RAP1GAP2: variants seen among roughly 807,000 people sequenced by gnomAD.
RAP1GAP2 encodes the protein RAP1 GTPase activating protein 2.
In RAP1GAP2, 27 loss-of-function variants were observed where a neutral mutation model predicts 95.0. That is an observed-to-expected ratio of 0.28 (90% CI 0.21 to 0.39). The LOEUF (loss-of-function observed/expected upper bound fraction) is 0.39, where lower values mean the gene tolerates loss of function less well. RAP1GAP2 is among the 10% of genes least tolerant of loss of function. The pLI is 1.00. For synonymous variants in RAP1GAP2, 373 were observed against 380.9 expected (o/e 0.98, Z 0.24); for missense variants, 771 against 970.0 (o/e 0.79, Z 2.72).
chr17:2,965,385 C>T lies in RAP1GAP2; in HGVS notation c.493-155C>T, dbSNP rs112767498. On this transcript the variant is annotated intron_variant, in intron 7 of 24. Transcript: ENST00000254695. This position sits in a 1 kb window ranked among gnomAD's most constrained non-coding sequence, Gnocchi z 4.7. ...GCCTGGCGCCTCCTGAGGATCCGGCCGTCGGTACCTGTTAATGTCGTTGTC... is the reference window on the plus strand; with the variant it reads ...GCCTGGCGCCTCCTGAGGATCCGGCTGTCGGTACCTGTTAATGTCGTTGTC... 2.8e-5 allele frequency: 18 copies of T among 638,432 alleles called. No individual in the cohort carries two copies. The highest frequency in any genetic ancestry group is 1.2e-4 in the South Asian group (6 of 51,776). The allele number at this position is 638,432 out of a possible 1,614,324, so 39.5% of individuals were successfully genotyped here. A position where few individuals can be genotyped will look rare whatever the true frequency, so the allele number is the denominator to read the frequency against.
Position 2,825,750 on chromosome 17 carries a change from G to T in RAP1GAP2, c.80+25200G>T, listed in dbSNP as rs908228537. Among the ~76,000 whole-genome samples the T allele has an allele frequency of 6.6e-6, 1 of 152,126 alleles. No individual in the cohort carries two copies. Among genetic ancestry groups the T allele is most frequent in the Non-Finnish European group, 1.5e-5 (1 of 68,036 alleles). ...GACTGCAGCTGTTACTGAAGACAGA[G>T]CGTTTAGGTGTGAAGAGGGTCTGGT... is the stretch of plus-strand genomic sequence containing the variant. On this transcript the variant is annotated intron_variant, in intron 2 of 24. Transcript: ENST00000254695. The surrounding 1 kb of genome is among the most constrained non-coding windows in gnomAD (Gnocchi z 4.1).
chr17:2,875,219 A>G (rs1156530246), intron 2 of RAP1GAP2, among the ~76,000 whole-genome samples: 1 of 152,028 alleles, frequency 6.6e-6, no homozygotes, highest in African/African-American at 2.4e-5. Context: ...GGCGTGCACC[A>G]CCACGCCTGG....
chr17:2,823,464 G>A (rs998193402), intron 2 of RAP1GAP2, among the ~76,000 whole-genome samples: 16 of 152,296 alleles, frequency 1.1e-4, no homozygotes, highest in African/African-American at 3.8e-4. Flanking sequence ...AAGCCATTTT[G>A]CCTTTGTCTT....
chr17:2,905,667 G>A (rs577229804), intron 3 of RAP1GAP2, among the ~76,000 whole-genome samples: 173 of 152,322 alleles, frequency 1.1e-3, no homozygotes, highest in African/African-American at 4.0e-3. Flanking sequence ...GAAGCCGGGG[G>A]ATAGAAGGCA....
At chr17:2,908,921 G>C (rs374285721) in intron 3 of RAP1GAP2, among the ~76,000 whole-genome samples, 1 of 152,020 alleles carries the variant, frequency 6.6e-6, no homozygotes, top group African/African-American at 2.4e-5. Context: ...GCCCAGGCTG[G>C]TCTGAGACTC....
Position 2,886,135 on chromosome 17 carries a change from A to ATGTG in RAP1GAP2, c.81-19125_81-19122dup, listed in dbSNP as rs140784056. On this transcript the variant is annotated intron_variant, in intron 2 of 24. Coordinates refer to ENST00000254695, the MANE Select transcript of RAP1GAP2 (RefSeq NM_015085.5). ...TTTTTTTCCCAATGAATATGTATTTATGTGTGTGTGTGTGTGTGTGTGTGT... is the reference window on the plus strand; with the variant it reads ...TTTTTTTCCCAATGAATATGTATTTATGTGTGTGTGTGTGTGTGTGTGTGTGTGT... Among the ~76,000 whole-genome samples the ATGTG allele has an allele frequency of 5.5e-3, 718 of 130,542 alleles. 11 individuals are homozygous for ATGTG. Among genetic ancestry groups the ATGTG allele is most frequent in the African/African-American group, 0.019 (649 of 34,240 alleles). 85.6% of individuals were successfully genotyped at this position (130,542 alleles called of 152,430 possible).
In RAP1GAP2 at chr17:3,035,197, A is replaced by G. The variant is rs2047437883; in HGVS notation, c.*1836A>G. ...TCAACAAAATATCTGTTTAGCTTTT[A>G]TGAAGAGTCACCGTAGCAGCCCCCA... is the stretch of plus-strand genomic sequence containing the variant. On this transcript the variant is annotated 3_prime_UTR_variant, in exon 25 of 25. Coordinates refer to ENST00000254695, the MANE Select transcript of RAP1GAP2 (RefSeq NM_015085.5). The surrounding 1 kb of genome is among the most constrained non-coding windows in gnomAD (Gnocchi z 4.3). The G allele has an allele frequency of 6.6e-6, 1 of 152,520 alleles. No individual in the cohort carries two copies. The highest frequency in any genetic ancestry group is 1.5e-5 in the Non-Finnish European group (1 of 68,020). 9.4% of individuals were successfully genotyped at this position (152,520 alleles called of 1,614,324 possible).
chr17:2,804,554 G>C (rs2069433825), intron 2 of RAP1GAP2, among the ~76,000 whole-genome samples: 1 of 152,210 alleles, frequency 6.6e-6, no homozygotes. Flanking sequence ...CTCAGGGGCT[G>C]TGTATATAGA....
At chr17:2,854,246 T>C (rs1222180590) in intron 2 of RAP1GAP2, 2 of 755,458 alleles carry the variant, frequency 2.6e-6, no homozygotes, top group Non-Finnish European at 3.2e-6. Context: ...CGAACCGAGT[T>C]CGGAGCTTCG....
intron 1 of RAP1GAP2, among the ~76,000 whole-genome samples, chr17:2,758,338 G>C (rs1315923542): frequency 1.3e-5 from 2 of 151,948 alleles, no homozygotes; most frequent in East Asian, 3.9e-4. Context: ...ACCACGCCTG[G>C]CTAATTTTTT....
intron 2 of RAP1GAP2, among the ~76,000 whole-genome samples, chr17:2,840,406 G>A (rs573160337): frequency 1.6e-4 from 24 of 152,086 alleles, no homozygotes; most frequent in African/African-American, 5.3e-4. Context: ...CAGGTGATCC[G>A]CCCACCTTGG....
intron 1 of RAP1GAP2, among the ~76,000 whole-genome samples, chr17:2,785,709 C>T (rs977735248): frequency 2.0e-5 from 3 of 152,034 alleles, no homozygotes; most frequent in East Asian, 1.9e-4. Flanking sequence ...TCTTAAGACG[C>T]GAGTCTGCCG....
At chr17:2,991,913 C>A (rs111508791) in intron 12 of RAP1GAP2, among the ~76,000 whole-genome samples, 3 of 151,178 alleles carry the variant, frequency 2.0e-5, no homozygotes, top group Non-Finnish European at 4.4e-5. Flanking sequence ...TACAGGCGCC[C>A]GCCAACACGC....
intron 3 of RAP1GAP2, among the ~76,000 whole-genome samples, chr17:2,933,381 A>G (rs1225462351): frequency 1.3e-5 from 2 of 152,164 alleles, no homozygotes; most frequent in Non-Finnish European, 2.9e-5. Context: ...CCTCTGACAC[A>G]GCCAGACACC....
intron 2 of RAP1GAP2, among the ~76,000 whole-genome samples, chr17:2,834,186 C>T (rs893320465): frequency 6.6e-6 from 1 of 152,148 alleles, no homozygotes; most frequent in Admixed American, 6.6e-5. Flanking sequence ...CACTGACTTC[C>T]CCAGACCCAT....
chr17:2,759,660 A>G (rs1195054338), intron 1 of RAP1GAP2, among the ~76,000 whole-genome samples: 1 of 152,128 alleles, frequency 6.6e-6, no homozygotes, highest in Admixed American at 6.6e-5. Context: ...CATGTTGGCC[A>G]GGCTGGTCTC....
At chr17:2,948,874 GCTT>G (rs2043810572) in intron 3 of RAP1GAP2, among the ~76,000 whole-genome samples, 1 of 152,158 alleles carries the variant, frequency 6.6e-6, no homozygotes, top group African/African-American at 2.4e-5. Context: ...TTTTCCCGTC[GCTT>G]CTTCTGCTTT....
chr17:2,925,527 C>G (rs2042926207), intron 3 of RAP1GAP2, among the ~76,000 whole-genome samples: 1 of 152,134 alleles, frequency 6.6e-6, no homozygotes, highest in Non-Finnish European at 1.5e-5. Context: ...GAAAACCGCT[C>G]CCTCGCTCCA....
intron 8 of RAP1GAP2, among the ~76,000 whole-genome samples, chr17:2,970,287 A>AT (rs2044805785): frequency 1.3e-5 from 2 of 148,874 alleles, no homozygotes; most frequent in East Asian, 2.0e-4. Context: ...AAAAAAAAAA[A>AT]AAAAAAAAAT....
Sources: allele counts gnomAD v4.1 joint callset (sites outside exome capture counted in the v4.1 genomes callset), GRCh38; gene constraint gnomAD v4.1.1; non-coding constraint Gnocchi (gnomAD v3.1); transcripts MANE v1.5; gene names NCBI Gene and HGNC (gene_info 2026-07-23, HGNC 2026-07-21).